The following SLC26A5 variants were observed in gnomAD, a reference collection of about 807,000 sequenced individuals.
The protein encoded by SLC26A5 is prestin.
SLC26A5 carries 51 observed loss-of-function variants against 81.0 expected under a neutral mutation model. The observed-to-expected ratio is 0.63, with a 90% confidence interval of 0.50 to 0.80. The LOEUF is 0.80. Ranked by LOEUF, SLC26A5 falls within the 30% of genes least tolerant of loss-of-function variation. SLC26A5 has a pLI of 0.00. For synonymous variants in SLC26A5, 325 were observed against 332.8 expected, an observed-to-expected ratio of 0.98 and a Z score of 0.25; for missense variants, 771 against 905.8, an observed-to-expected ratio of 0.85 and a Z score of 1.91.
intron 2 of SLC26A5, among the ~76,000 whole-genome samples, chr7:103,437,765 GAGGC>G (rs1826561738): frequency 6.6e-6 from 1 of 152,162 alleles, no homozygotes; most frequent in Non-Finnish European, 1.5e-5. Context: ...GTGTTGACCA[GAGGC>G]TAGGTCATGG....
At chr7:103,416,323 A>AC (rs1394684034) in intron 4 of SLC26A5, among the ~76,000 whole-genome samples, 2 of 151,788 alleles carry the variant, frequency 1.3e-5, no homozygotes, top group East Asian at 3.9e-4. Context: ...TCACTGGGGG[A>AC]CCCCCACTTG....
intron 19 of SLC26A5, chr7:103,363,999 T>C: frequency 1.3e-6 from 1 of 754,990 alleles, no homozygotes; most frequent in Non-Finnish European, 2.1e-6. Context: ...GTATGTATAT[T>C]GTGGACTTAA....
chr7:103,408,154 AC>A, intron 7 of SLC26A5, 151 bp from the exon 8 acceptor site: 1 of 985,282 alleles, frequency 1.0e-6, no homozygotes, highest in East Asian at 2.6e-5. Context: ...TGTAGCTTCT[AC>A]CAATTAGGAG....
At chr7:103,422,392 C>T (rs1825416178) in intron 2 of SLC26A5, among the ~76,000 whole-genome samples, 2 of 152,162 alleles carry the variant, frequency 1.3e-5, no homozygotes, top group Non-Finnish European at 2.9e-5. Context: ...TCTGTGTCAT[C>T]ATCAATACAT....
At chr7:103,438,697 T>C (rs1826646149) in intron 2 of SLC26A5, among the ~76,000 whole-genome samples, 1 of 152,182 alleles carries the variant, frequency 6.6e-6, no homozygotes, top group Non-Finnish European at 1.5e-5. Flanking sequence ...CAGATCAGTA[T>C]ATGGTTTAAT....
At chr7:103,431,678 T>G (rs1478869080) in intron 2 of SLC26A5, among the ~76,000 whole-genome samples, 1 of 152,154 alleles carries the variant, frequency 6.6e-6, no homozygotes, top group Non-Finnish European at 1.5e-5. Flanking sequence ...AGTTTATTAT[T>G]AACTCTAAAT....
Position 103,412,900 on chromosome 7 carries a change from T to C in SLC26A5, c.403+102A>G, listed in dbSNP as rs1271156475. The C allele has an allele frequency of 1.0e-5, 9 of 901,014 alleles. No homozygotes were observed. The Middle Eastern group carries it at 1.0e-3, about 101-fold the overall frequency. 55.8% of individuals were successfully genotyped at this position (901,014 alleles called of 1,614,324 possible). On this transcript the variant is annotated intron_variant, in intron 5 of 19. Transcript: ENST00000306312. Reference sequence around the variant, plus strand: ...TTGTGTATGCAGTAACAAAAGTTGTTATTAAGACAATTTTTAATAATGACC... The same window carrying C: ...TTGTGTATGCAGTAACAAAAGTTGTCATTAAGACAATTTTTAATAATGACC...
intron 9 of SLC26A5, among the ~76,000 whole-genome samples, chr7:103,394,480 A>C (rs1822927543): frequency 6.6e-6 from 1 of 152,232 alleles, no homozygotes; most frequent in South Asian, 2.1e-4. Context: ...AGGGAATAAG[A>C]ATATAAGAAA....
downstream of SLC26A5, among the ~76,000 whole-genome samples, chr7:103,371,567 T>C (rs974747960): frequency 2.0e-5 from 3 of 151,336 alleles, no homozygotes; most frequent in African/African-American, 4.8e-5. Flanking sequence ...CCTCGTGATC[T>C]GCCTGCCTCG....
At chr7:103,385,267 A>G (rs1822096545) in intron 14 of SLC26A5, among the ~76,000 whole-genome samples, 1 of 151,904 alleles carries the variant, frequency 6.6e-6, no homozygotes, top group South Asian at 2.1e-4. Flanking sequence ...GGTTCACACC[A>G]TTCTCCTGCC....
chr7:103,364,954 C>CGTACAT (rs1486934625), intron 19 of SLC26A5, among the ~76,000 whole-genome samples: 2,520 of 38,864 alleles, frequency 0.065, 37 homozygotes, highest in Non-Finnish European at 0.092. Context: ...TGTTTGTAGA[C>CGTACAT]ATACATATAT....
At chr7:103,409,809 G>A (rs1422443547) in intron 7 of SLC26A5, among the ~76,000 whole-genome samples, 1 of 151,874 alleles carries the variant, frequency 6.6e-6, no homozygotes, top group Non-Finnish European at 1.5e-5. Flanking sequence ...CCGGGTTCAC[G>A]CCATTCTCCT....
intron 19 of SLC26A5, chr7:103,364,010 T>A: frequency 1.2e-6 from 1 of 838,140 alleles, no homozygotes; most frequent in African/African-American, 1.7e-5. Flanking sequence ...GTGGACTTAA[T>A]AATTTTGATT....
chr7:103,368,168 T>TATC, intron 19 of SLC26A5: 1 of 906,488 alleles, frequency 1.1e-6, no homozygotes. Flanking sequence ...CTTTTTTCCA[T>TATC]ATCTCTTCTT....
intron 7 of SLC26A5, among the ~76,000 whole-genome samples, 165 bp from the exon 8 acceptor site, chr7:103,408,168 A>AT (rs1824207631): frequency 1.3e-5 from 2 of 152,284 alleles, no homozygotes; most frequent in South Asian, 4.2e-4. Context: ...ATTAGGAGGC[A>AT]TTTTTACCCA....
rs1203578592 is a variant in SLC26A5 at position 103,382,892 on chromosome 7, T to C, written c.1515-2343A>G. Among the ~76,000 whole-genome samples, 3 of 152,208 alleles carry C rather than the reference T, an allele frequency of 2.0e-5. No individual in the cohort carries two copies. The East Asian group carries it at 5.8e-4, about 29-fold the overall frequency. ...CAGACAGCTTGCCAGAGGCAGAATA[T>C]GGCTCAAGGTCTTTGATTTGACATT... On this transcript the variant is annotated intron_variant, in intron 14 of 19. Coordinates refer to ENST00000306312, the MANE Select transcript of SLC26A5 (RefSeq NM_198999.3).
chr7:103,391,798 T>C lies in SLC26A5; in HGVS notation c.1120-63A>G, dbSNP rs1822681926. On this transcript the variant is annotated intron_variant, in intron 10 of 19. Coordinates refer to ENST00000306312, the MANE Select transcript of SLC26A5 (RefSeq NM_198999.3). ...CATTCTTCAGGAAAAAAAAGCATAA[T>C]AGCCCATTTAATACACATTGTCAGC... The C allele has an allele frequency of 3.2e-6, 4 of 1,247,270 alleles. No individual in the cohort carries two copies. The Admixed American group carries it at 5.7e-5, about 18-fold the overall frequency. 77.3% of individuals were successfully genotyped at this position (1,247,270 alleles called of 1,614,324 possible).
chr7:103,415,217 T>TA (rs942799071), intron 4 of SLC26A5, among the ~76,000 whole-genome samples: 9 of 152,104 alleles, frequency 5.9e-5, no homozygotes, highest in Non-Finnish European at 1.0e-4. Context: ...CGAATGTTGT[T>TA]AAAAAAATTT....
intron 19 of SLC26A5, among the ~76,000 whole-genome samples, chr7:103,359,386 T>C (rs1820244425): frequency 6.6e-6 from 1 of 152,078 alleles, no homozygotes; most frequent in Non-Finnish European, 1.5e-5. Flanking sequence ...ATTTAGTGAT[T>C]TTTAGAATAT....
Sources: gnomAD v4.1 joint callset for allele counts (sites outside exome capture counted in the v4.1 genomes callset) on GRCh38, gnomAD v4.1.1 for gene constraint, MANE v1.5 for transcripts, NCBI Gene and HGNC (gene_info 2026-07-23, HGNC 2026-07-21) for gene names.